Variants in EYA2 observed in about 807,000 individuals in gnomAD.
EYA2 encodes protein phosphatase EYA2.
EYA2 carries 31 observed loss-of-function variants against 69.2 expected under a neutral mutation model. That is an observed-to-expected ratio of 0.45 (90% CI 0.34 to 0.60). The LOEUF is 0.60. Ranked by LOEUF, EYA2 falls within the 20% of genes least tolerant of loss-of-function variation. The pLI, the probability that EYA2 is intolerant of heterozygous loss-of-function variation, is 0.02. For synonymous variants in EYA2, 257 were observed against 279.4 expected (o/e 0.92, Z 0.80); for missense variants, 622 against 701.2 (o/e 0.89, Z 1.28).
intron 1 of EYA2, among the ~76,000 whole-genome samples, chr20:46,957,248 CCTT>C (rs1221016120): frequency 6.6e-6 from 1 of 152,190 alleles, no homozygotes; most frequent in East Asian, 1.9e-4. Context: ...ACCCCTTCCT[CCTT>C]CTTTACTGCT....
chr20:47,101,809 A>T (rs552476517), intron 9 of EYA2, among the ~76,000 whole-genome samples: 1 of 152,312 alleles, frequency 6.6e-6, no homozygotes, highest in African/African-American at 2.4e-5. Flanking sequence ...CCCATTTTGC[A>T]GACAGAGTGA....
intron 9 of EYA2, among the ~76,000 whole-genome samples, chr20:47,134,333 T>G (rs1206830): frequency 0.021 from 3,206 of 152,244 alleles, 102 homozygotes; most frequent in African/African-American, 0.072. Flanking sequence ...TGGAGTCAGA[T>G]TAGACCTGAG....
At chr20:46,959,788 C>T (rs1287069669) in intron 1 of EYA2, among the ~76,000 whole-genome samples, 1 of 152,174 alleles carries the variant, frequency 6.6e-6, no homozygotes, top group Non-Finnish European at 1.5e-5. Flanking sequence ...ATCCAGGGCT[C>T]ATCTCTTTTC....
At chr20:46,897,062 CTT>C (rs1445413213) in intron 1 of EYA2, among the ~76,000 whole-genome samples, 1 of 151,980 alleles carries the variant, frequency 6.6e-6, no homozygotes, top group Non-Finnish European at 1.5e-5. Flanking sequence ...CTTTTCATGT[CTT>C]TTGTTTTGCA....
At chr20:47,163,125 G>C (rs1438029383) in intron 10 of EYA2, among the ~76,000 whole-genome samples, 2 of 151,774 alleles carry the variant, frequency 1.3e-5, no homozygotes, top group Non-Finnish European at 2.9e-5. Flanking sequence ...CACCTCCTGG[G>C]CTCAAGCGAT....
chr20:47,099,094 G>C (rs1017089382), intron 9 of EYA2, among the ~76,000 whole-genome samples: 1 of 152,258 alleles, frequency 6.6e-6, no homozygotes, highest in Non-Finnish European at 1.5e-5. Flanking sequence ...AAATATAATA[G>C]TTACTGCCGT....
At chr20:47,048,051 C>T (rs1372679080) in intron 5 of EYA2, among the ~76,000 whole-genome samples, 1 of 152,180 alleles carries the variant, frequency 6.6e-6, no homozygotes, top group Non-Finnish European at 1.5e-5. Context: ...ATCTCAAGGC[C>T]ATTAACATAA....
intron 5 of EYA2, among the ~76,000 whole-genome samples, chr20:47,036,192 C>T (rs1299408682): frequency 6.6e-6 from 1 of 152,066 alleles, no homozygotes; most frequent in Non-Finnish European, 1.5e-5. Flanking sequence ...TGGGAGGTGG[C>T]GTAACCGGGA....
At chr20:47,076,694 C>T (rs1429761849) in intron 7 of EYA2, among the ~76,000 whole-genome samples, 1 of 152,138 alleles carries the variant, frequency 6.6e-6, no homozygotes, top group Non-Finnish European at 1.5e-5. Context: ...GCATATCTAA[C>T]CTAGATGTAC....
In EYA2 at chr20:47,179,866, C is replaced by T. The variant is rs138717634; in HGVS notation, c.1267C>T (p.Leu423Phe). 4.7e-4 allele frequency: 759 copies of T among 1,614,008 alleles called. 1 individual carries two copies. Among genetic ancestry groups the T allele is most frequent in the Non-Finnish European group, 6.2e-4 (736 of 1,180,028 alleles). Residue 423 changes from leucine (L) to phenylalanine (F), a missense_variant, in exon 13 of 16, where the codon CTC (leucine) becomes TTC (phenylalanine). By Grantham distance (22) the Leu-to-Phe change is conservative. Transcript: ENST00000327619. ...LRAELEALTDLWLTHSLKALN... is the reference protein window; with the variant it reads ...LRAELEALTDFWLTHSLKALN... ...AGCTGAGCTGGAAGCTCTCACAGAC[C>T]TCTGGCTGACCCACTCCCTGAAGGC...
intron 1 of EYA2, among the ~76,000 whole-genome samples, chr20:46,903,119 T>TG (rs1984193562): frequency 6.6e-6 from 1 of 152,252 alleles, no homozygotes; most frequent in South Asian, 2.1e-4. Context: ...AGCTGTGTTC[T>TG]GGGCTGTTTA....
intron 1 of EYA2, among the ~76,000 whole-genome samples, chr20:46,952,953 C>T (rs1978894701): frequency 6.6e-6 from 1 of 152,238 alleles, no homozygotes; most frequent in Non-Finnish European, 1.5e-5. Context: ...ATGAGACTTC[C>T]TGAAACATTC....
chr20:47,040,886 G>C (rs1985025826), intron 5 of EYA2, among the ~76,000 whole-genome samples: 1 of 152,156 alleles, frequency 6.6e-6, no homozygotes, highest in East Asian at 1.9e-4. Context: ...TGTGACTTAG[G>C]GCTTATGTAG....
At chr20:46,974,930 C>T (rs112464203) in intron 1 of EYA2, among the ~76,000 whole-genome samples, 6 of 152,196 alleles carry the variant, frequency 3.9e-5, no homozygotes, top group African/African-American at 9.6e-5. Context: ...TATTGGAACA[C>T]GCATCGTAAA....
intron 12 of EYA2, among the ~76,000 whole-genome samples, chr20:47,176,852 C>T (rs1253916618): frequency 6.6e-6 from 1 of 151,574 alleles, no homozygotes; most frequent in Non-Finnish European, 1.5e-5. Flanking sequence ...AGTATAGTGG[C>T]ACAATCTCGG....
chr20:47,158,402 G>A (rs946052092), intron 10 of EYA2, among the ~76,000 whole-genome samples: 20 of 151,622 alleles, frequency 1.3e-4, no homozygotes, highest in African/African-American at 4.4e-4. Context: ...TTGTAATGCC[G>A]GCTACTTGGG....
At chr20:47,121,338 C>T (rs1301442702) in intron 9 of EYA2, among the ~76,000 whole-genome samples, 1 of 152,146 alleles carries the variant, frequency 6.6e-6, no homozygotes, top group Non-Finnish European at 1.5e-5. Flanking sequence ...AGTGATCCAC[C>T]CACCTTGGCC....
intron 2 of EYA2, among the ~76,000 whole-genome samples, chr20:46,992,235 A>G (rs919755774): frequency 1.3e-5 from 2 of 152,178 alleles, no homozygotes; most frequent in African/African-American, 4.8e-5. Flanking sequence ...CTATTAACTC[A>G]TTTAATCTTC....
intron 4 of EYA2, among the ~76,000 whole-genome samples, chr20:47,005,826 C>T (rs1369793172): frequency 2.0e-5 from 3 of 152,246 alleles, no homozygotes; most frequent in African/African-American, 4.8e-5. Flanking sequence ...GGCTCACCAT[C>T]CATGCCCACC....
Sources: gnomAD v4.1 joint callset for allele counts (sites outside exome capture counted in the v4.1 genomes callset) on GRCh38, gnomAD v4.1.1 for gene constraint, MANE v1.5 for transcripts, NCBI Gene and HGNC (gene_info 2026-07-23, HGNC 2026-07-21) for gene names.